Variants in ZNF385D observed in about 807,000 individuals in gnomAD.
The protein encoded by ZNF385D is zinc finger protein 385D.
In ZNF385D, 15 loss-of-function variants were observed where a neutral mutation model predicts 35.8. That is an observed-to-expected ratio of 0.42 (90% CI 0.28 to 0.64). ZNF385D has a LOEUF of 0.64. Among genes scored for constraint, ZNF385D ranks in the 30% least tolerant of loss-of-function variants. ZNF385D has a pLI of 0.23. For synonymous variants in ZNF385D, 212 were observed against 186.8 expected, an observed-to-expected ratio of 1.13 and a Z score of -1.10; for missense variants, 474 against 494.6, an observed-to-expected ratio of 0.96 and a Z score of 0.39.
chr3:21,976,925 T>C (rs1013780088), intron 3 of ZNF385D, among the ~76,000 whole-genome samples: 2 of 151,946 alleles, frequency 1.3e-5, no homozygotes, highest in African/African-American at 4.8e-5. Context: ...GAGGCGGAGG[T>C]TGCAGTGAGC....
intron 2 of ZNF385D, among the ~76,000 whole-genome samples, chr3:22,196,061 T>C (rs1381140194): frequency 6.6e-6 from 1 of 151,884 alleles, no homozygotes; most frequent in East Asian, 1.9e-4. Flanking sequence ...TCAGGAAAAA[T>C]AACGAATGGA....
chr3:21,760,724 A>C (rs2070567309), intron 3 of ZNF385D, among the ~76,000 whole-genome samples: 1 of 152,196 alleles, frequency 6.6e-6, no homozygotes, highest in Non-Finnish European at 1.5e-5. Context: ...AATTCATAAG[A>C]AATCTGGGCT....
At chr3:21,852,341 C>T (rs890070750) in intron 3 of ZNF385D, among the ~76,000 whole-genome samples, 2 of 151,830 alleles carry the variant, frequency 1.3e-5, no homozygotes, top group African/African-American at 2.4e-5. Flanking sequence ...CAATTAATTG[C>T]ATAGTACTTT....
intron 2 of ZNF385D, among the ~76,000 whole-genome samples, chr3:22,185,913 T>G (rs771548154): frequency 3.9e-5 from 6 of 152,214 alleles, no homozygotes; most frequent in Middle Eastern, 3.2e-3. Context: ...ACCTGATAAC[T>G]TCATTTATTG....
chr3:21,704,274 T>C (rs2067814200), intron 1 of ZNF385D, among the ~76,000 whole-genome samples: 1 of 152,128 alleles, frequency 6.6e-6, no homozygotes, highest in African/African-American at 2.4e-5. Context: ...TTCAGGATTC[T>C]ACTCAGGTCC....
At chr3:22,298,560 T>TACACACACACACAC (rs758306222) in intron 2 of ZNF385D, among the ~76,000 whole-genome samples, 33 of 142,842 alleles carry the variant, frequency 2.3e-4, no homozygotes, top group African/African-American at 8.3e-4. Flanking sequence ...TATACACACA[T>TACACACACACACAC]ACACACACAC....
chr3:22,077,770 A>G (rs1200452903), intron 3 of ZNF385D, among the ~76,000 whole-genome samples: 2 of 152,020 alleles, frequency 1.3e-5, no homozygotes, highest in African/African-American at 2.4e-5. Context: ...TCTAACAACA[A>G]CAAAAGAAAT....
intron 3 of ZNF385D, among the ~76,000 whole-genome samples, chr3:21,513,363 T>C (rs1020128706): frequency 2.6e-5 from 4 of 152,152 alleles, no homozygotes; most frequent in African/African-American, 9.7e-5. Context: ...CAGAAGTTGA[T>C]AGGCTCCCAA....
rs151236077 is a variant in ZNF385D at position 21,646,346 on chromosome 3, C to T, written c.165+18540G>A. Among the ~76,000 whole-genome samples the T allele has an allele frequency of 4.8e-3, 735 of 152,262 alleles. 4 individuals carry two copies. Among genetic ancestry groups the T allele is most frequent in the Non-Finnish European group, 7.4e-3 (502 of 68,016 alleles). ...CTCACAGTAATCTACAGACAGCTTACAACAGTGCTGCACACGATTAATCTG... is the reference window on the plus strand; with the variant it reads ...CTCACAGTAATCTACAGACAGCTTATAACAGTGCTGCACACGATTAATCTG... On this transcript the variant is annotated intron_variant, in intron 2 of 7. Transcript: ENST00000281523. The surrounding 1 kb of genome is among the most constrained non-coding windows in gnomAD (Gnocchi z 4.3).
intron 2 of ZNF385D, among the ~76,000 whole-genome samples, chr3:22,310,578 TAACTC>T (rs1703484042): frequency 6.6e-6 from 1 of 151,962 alleles, no homozygotes; most frequent in African/African-American, 2.4e-5. Context: ...TTAGAATTAT[TAACTC>T]AAATAAAATG....
intron 4 of ZNF385D, among the ~76,000 whole-genome samples, chr3:21,483,126 A>G (rs1193954197): frequency 6.6e-6 from 1 of 152,164 alleles, no homozygotes; most frequent in Non-Finnish European, 1.5e-5. Flanking sequence ...TCCAAAAAAT[A>G]GTTATTTGTA....
Position 21,417,152 on chromosome 3 carries a change from T to G in ZNF385D, c.*4062A>C, listed in dbSNP as rs916920735. 1 of 152,140 alleles carries G rather than the reference T, an allele frequency of 6.6e-6. No homozygotes were observed. Among genetic ancestry groups the G allele is most frequent in the Non-Finnish European group, 1.5e-5 (1 of 67,998 alleles). The allele number at this position is 152,140 out of a possible 1,614,324, so 9.4% of individuals were successfully genotyped here. A position where few individuals can be genotyped will look rare whatever the true frequency, so the allele number is the denominator to read the frequency against. ...AATACAGAATATTTTTCTGGACATA[T>G]GCAAGTATGTGAGTAGCTGCATTGG... On this transcript the variant is annotated 3_prime_UTR_variant, in exon 8 of 8. Coordinates refer to ENST00000281523, the MANE Select transcript of ZNF385D (RefSeq NM_024697.3).
intron 2 of ZNF385D, among the ~76,000 whole-genome samples, chr3:22,292,879 C>T (rs183995930): frequency 6.6e-6 from 1 of 152,196 alleles, no homozygotes; most frequent in Admixed American, 6.5e-5. Context: ...CTGTAATTGT[C>T]CCAGTTCCAG....
chr3:21,570,409 C>T lies in ZNF385D; in HGVS notation c.166-5725G>A, dbSNP rs549887018. Among the ~76,000 whole-genome samples, 37 of 152,268 alleles carry T rather than the reference C, an allele frequency of 2.4e-4. 1 individual carries two copies. The South Asian group carries it at 6.4e-3, about 26-fold the overall frequency. On this transcript the variant is annotated intron_variant, in intron 2 of 7. Transcript: ENST00000281523. ...CCCTTCTCTAGGACTGTTGTATTTT[C>T]AGAGAGGATGAAGCTTAACCCTGAG...
At chr3:22,148,723 C>G (rs758005932) in intron 3 of ZNF385D, among the ~76,000 whole-genome samples, 2 of 152,084 alleles carry the variant, frequency 1.3e-5, no homozygotes, top group Admixed American at 1.3e-4. Context: ...TCTGTCCTAC[C>G]TTTTATAGGG....
intron 3 of ZNF385D, among the ~76,000 whole-genome samples, chr3:21,867,228 T>A (rs1277710158): frequency 6.6e-6 from 1 of 152,148 alleles, no homozygotes; most frequent in Non-Finnish European, 1.5e-5. Context: ...AATCCATTAT[T>A]GAGGTCAAGA....
chr3:21,685,273 G>A (rs1161647282), intron 1 of ZNF385D, among the ~76,000 whole-genome samples: 1 of 152,124 alleles, frequency 6.6e-6, no homozygotes, highest in Admixed American at 6.6e-5. Flanking sequence ...AAGATTTTAT[G>A]GCTACTGGCT....
intron 3 of ZNF385D, among the ~76,000 whole-genome samples, chr3:21,980,984 T>C (rs948996927): frequency 6.6e-6 from 1 of 152,190 alleles, no homozygotes. Flanking sequence ...GCATTTAGTT[T>C]GATTCCATGT....
intron 3 of ZNF385D, among the ~76,000 whole-genome samples, chr3:22,064,236 C>T (rs547952766): frequency 6.6e-6 from 1 of 152,214 alleles, no homozygotes. Flanking sequence ...AGGGGTAATC[C>T]TCTCCGAAGG....
Sources: allele counts gnomAD v4.1 joint callset (sites outside exome capture counted in the v4.1 genomes callset), GRCh38; gene constraint gnomAD v4.1.1; non-coding constraint Gnocchi (gnomAD v3.1); transcripts MANE v1.5; gene names NCBI Gene and HGNC (gene_info 2026-07-23, HGNC 2026-07-21).